The following PIEZO1 variants were observed in gnomAD, a reference collection of about 807,000 sequenced individuals.
PIEZO1 encodes the protein piezo-type mechanosensitive ion channel component 1.
Under a neutral mutation model 297.2 loss-of-function variants are expected in PIEZO1, and 296 were observed. The observed-to-expected ratio is 1.00, with a 90% CI of 0.91 to 1.10. PIEZO1 has a LOEUF of 1.10. PIEZO1 is among the 50% of genes least tolerant of loss of function. The pLI is 0.00. For missense variants in PIEZO1, 5,018 were observed against 3,455.5 expected, an observed-to-expected ratio of 1.45 and a Z score of -11.34; for synonymous variants, 2,427 against 1,507.5, an observed-to-expected ratio of 1.61 and a Z score of -14.13.
At position 88,734,011 on chromosome 16, in the gene PIEZO1, G is replaced by C. The variant is rs548581637; in HGVS notation, c.2224C>G (p.Gln742Glu). ...SGTPLLREEQ[Q>E]EHQQQQQEEE... ...TCCTGCTGCTGCTGCTGATGCTCCT[G>C]CTGCTCCTCCCGCAGCAGTGGGGTC... The change falls in exon 17 of 51, where the codon CAG becomes GAG. Residue 742 changes from glutamine to glutamate, a missense_variant. Transcript: ENST00000301015. 14 of 1,548,086 alleles carry C rather than the reference G, an allele frequency of 9.0e-6. No homozygotes were observed. The highest frequency in any genetic ancestry group is 2.4e-5 in the East Asian group (1 of 40,882).
In PIEZO1 at chr16:88,726,652, G is replaced by T. The variant is rs1376300827; in HGVS notation, c.3700-9C>A. 1 of 1,288,572 alleles carries T rather than the reference G, an allele frequency of 7.8e-7. No homozygotes were observed. The allele number at this position is 1,288,572 out of a possible 1,614,324, so 79.8% of individuals were successfully genotyped here. ...AAGACGCAGGCCAGGAGCTGGGGGA[G>T]AGCAGGGTCAGCGGGGCCAGCGGGG... On this transcript the variant is annotated splice_polypyrimidine_tract_variant and intron_variant, in intron 25 of 50. Coordinates refer to ENST00000301015, the MANE Select transcript of PIEZO1 (RefSeq NM_001142864.4).
intron 1 of PIEZO1, among the ~76,000 whole-genome samples, chr16:88,754,188 C>T (rs1279886031): frequency 2.0e-5 from 3 of 152,210 alleles, no homozygotes; most frequent in African/African-American, 7.2e-5. Context: ...AGACCTTCAT[C>T]CTACAGCTGA....
intron 1 of PIEZO1, among the ~76,000 whole-genome samples, chr16:88,755,341 G>A (rs1168864429): frequency 6.6e-6 from 1 of 152,178 alleles, no homozygotes; most frequent in Non-Finnish European, 1.5e-5. Flanking sequence ...TCATCTTCCT[G>A]CAGGAGCACC....
Position 88,719,678 on chromosome 16 carries a change from C to A in PIEZO1, c.6367G>T (p.Asp2123Tyr). 1 of 1,553,130 alleles carries A rather than the reference C, an allele frequency of 6.4e-7. No individual in the cohort carries two copies. The highest frequency in any genetic ancestry group is 8.7e-7 in the Non-Finnish European group (1 of 1,148,496). Residue 2123 changes from aspartate to tyrosine, a missense_variant, in exon 44 of 51, where the codon GAC (aspartate) becomes TAC (tyrosine). Physicochemically the swap from Asp to Tyr is radical, Grantham distance 160 (BLOSUM62 -3). Transcript: ENST00000301015. ...AGCGTGGTGTCCGTCCACACCCAGT[C>A]CATCACTGCCCGCAGCTCCACCAGG... Reference protein sequence around the residue: ...PFLVELRAVMDWVWTDTTLSL... With the variant: ...PFLVELRAVMYWVWTDTTLSL...
intron 30 of PIEZO1, among the ~76,000 whole-genome samples, chr16:88,724,203 C>G (rs1369166930): frequency 6.6e-6 from 1 of 152,186 alleles, no homozygotes; most frequent in Non-Finnish European, 1.5e-5. Flanking sequence ...CTGCAGAGGA[C>G]CGGGGAAAAC....
At chr16:88,780,720 G>A (rs1198474309) in intron 1 of PIEZO1, among the ~76,000 whole-genome samples, 1 of 152,260 alleles carries the variant, frequency 6.6e-6, no homozygotes, top group African/African-American at 2.4e-5. Context: ...CAGCACTTTT[G>A]GAGGCTGAGG....
In PIEZO1 at chr16:88,759,244, T is replaced by A. The variant is rs144455407; in HGVS notation, c.65-9765A>T. 4.7e-3 allele frequency among the ~76,000 whole-genome samples: 722 copies of A among 152,354 alleles called. 4 individuals are homozygous for A. Among genetic ancestry groups the A allele is most frequent in the African/African-American group, 0.016 (682 of 41,580 alleles). ...GAGCTCACAGCGGCAGCTGCAGGGC[T>A]AGAACCTGGGCCTCCTGGCCGGGGC... On this transcript the variant is annotated intron_variant, in intron 1 of 50. Coordinates refer to ENST00000301015, the MANE Select transcript of PIEZO1 (RefSeq NM_001142864.4).
Position 88,733,335 on chromosome 16 carries a change from C to T in PIEZO1, c.2607G>A (p.Lys869=), listed in dbSNP as rs1224218624. The T allele has an allele frequency of 2.6e-6, 4 of 1,550,222 alleles. No individual in the cohort carries two copies. Among genetic ancestry groups the T allele is most frequent in the Admixed American group, 3.9e-5 (2 of 50,998 alleles). The change falls in exon 19 of 51, where the codon AAG becomes AAA. Residue 869 remains lysine, a synonymous_variant. Coordinates refer to ENST00000301015, the MANE Select transcript of PIEZO1 (RefSeq NM_001142864.4). The part of the protein sequence containing the change: ...TVWTCVIIVC[K]MLYQLKVVNP... ...TGACAACCTTGAGCTGGTACAGCAT[C>T]TTACACACGATGATGACGCAGGTCC...
rs200015293 is a variant in PIEZO1, at chr16:88,727,400, CTGCGTGCG to C, written c.3301+149_3301+156del. On this transcript the variant is annotated intron_variant, in intron 23 of 50. Coordinates refer to ENST00000301015, the MANE Select transcript of PIEZO1 (RefSeq NM_001142864.4). ...GGCTGCCGTGCACACAGGCTGAGGT[CTGCGTGCG>C]TGCGTGCGAGGTCAGGGCCTGCAGG... is the stretch of plus-strand genomic sequence containing the variant. Among the ~76,000 whole-genome samples, 666 of 152,236 alleles carry C rather than the reference CTGCGTGCG, an allele frequency of 4.4e-3. 4 individuals are homozygous for C. The highest frequency in any genetic ancestry group is 0.016 in the African/African-American group (645 of 41,476).
At chr16:88,762,112 T>C (rs570361397) in intron 1 of PIEZO1, among the ~76,000 whole-genome samples, 2 of 152,264 alleles carry the variant, frequency 1.3e-5, no homozygotes, top group East Asian at 3.9e-4. Flanking sequence ...GGTCCCGGAA[T>C]GTCTGACGGA....
In PIEZO1 at chr16:88,732,667, G is replaced by A. The variant is rs573568066; in HGVS notation, c.2730C>T (p.Pro910=). 9.4e-5 allele frequency: 145 copies of A among 1,549,680 alleles called. 1 individual carries two copies. The highest frequency in any genetic ancestry group is 3.1e-4 in the Admixed American group (16 of 50,976). The change falls in exon 20 of 51, where the codon CCC becomes CCT. Residue 910 remains proline, a synonymous_variant. Coordinates refer to ENST00000301015, the MANE Select transcript of PIEZO1 (RefSeq NM_001142864.4). ...CCCCAAACCAGTTGGCAGGGTCCACGGGCCCCCGGTACAGCAGGGACTGGC... is the reference window on the plus strand; with the variant it reads ...CCCCAAACCAGTTGGCAGGGTCCACAGGCCCCCGGTACAGCAGGGACTGGC... The part of the protein sequence containing the change: ...EISQSLLYRG[P]VDPANWFGVR...
At chr16:88,771,155 CCG>C (rs1907407684) in intron 1 of PIEZO1, among the ~76,000 whole-genome samples, 1 of 152,226 alleles carries the variant, frequency 6.6e-6, no homozygotes, top group Non-Finnish European at 1.5e-5. Context: ...TAAAAATCAA[CCG>C]TGCGAAAGGC....
At chr16:88,719,004 C>T (rs577880598) in intron 44 of PIEZO1, 46 of 155,902 alleles carry the variant, frequency 3.0e-4, no homozygotes, top group Admixed American at 1.7e-3. Context: ...GCTGCCATTG[C>T]CAGCTAATTG....
At chr16:88,758,420 G>T (rs762484654) in intron 1 of PIEZO1, among the ~76,000 whole-genome samples, 1 of 152,186 alleles carries the variant, frequency 6.6e-6, no homozygotes, top group African/African-American at 2.4e-5. Context: ...CCCACCCATC[G>T]TCACTCAGCC....
intron 31 of PIEZO1, 127 bp downstream of exon 31, chr16:88,723,744 G>A (rs1465283420): frequency 6.4e-6 from 4 of 627,480 alleles, no homozygotes; most frequent in African/African-American, 5.5e-5. Flanking sequence ...GGGGCGGGGT[G>A]GGCTAACTGG....
chr16:88,719,498 T>C, intron 44 of PIEZO1, 76 bp downstream of exon 44: 1 of 1,400,592 alleles, frequency 7.1e-7, no homozygotes. Context: ...CGGGTTCTCG[T>C]GGCAGCAGTG....
chr16:88,746,206 GA>G (rs1290902779), intron 2 of PIEZO1, among the ~76,000 whole-genome samples: 2 of 152,006 alleles, frequency 1.3e-5, no homozygotes, highest in Admixed American at 1.3e-4. Flanking sequence ...ACAGAGGATG[GA>G]GACTACACAA....
At chr16:88,775,037 C>G (rs1198374728) in intron 1 of PIEZO1, among the ~76,000 whole-genome samples, 2 of 152,226 alleles carry the variant, frequency 1.3e-5, no homozygotes, top group Non-Finnish European at 2.9e-5. Flanking sequence ...AGCAGACACC[C>G]AGGGAGGCCC....
chr16:88,724,912 T>G, intron 30 of PIEZO1, 97 bp downstream of exon 30: 1 of 767,716 alleles, frequency 1.3e-6, no homozygotes, highest in Non-Finnish European at 2.0e-6. Flanking sequence ...GGCCTGGGAG[T>G]CGGGGGAAGG....
Sources: allele counts gnomAD v4.1 joint callset (sites outside exome capture counted in the v4.1 genomes callset), GRCh38; gene constraint gnomAD v4.1.1; transcripts MANE v1.5; gene names NCBI Gene and HGNC (gene_info 2026-07-23, HGNC 2026-07-21).